Variants in ZMAT4 observed in about 807,000 individuals in gnomAD.
ZMAT4 encodes the protein zinc finger matrin-type protein 4.
In ZMAT4, 17 loss-of-function variants were observed where a neutral mutation model predicts 28.7. That is an observed-to-expected ratio of 0.59 (90% CI 0.41 to 0.89). The LOEUF (loss-of-function observed/expected upper bound fraction) is 0.89. ZMAT4 is among the 40% of genes least tolerant of loss of function. ZMAT4 has a pLI of 0.00. For missense variants in ZMAT4, 240 were observed against 283.8 expected (o/e 0.85, Z 1.11); for synonymous variants, 117 against 109.2 (o/e 1.07, Z -0.44).
At chr8:40,634,237 A>G (rs1806708522) in intron 5 of ZMAT4, among the ~76,000 whole-genome samples, 1 of 152,214 alleles carries the variant, frequency 6.6e-6, no homozygotes, top group African/African-American at 2.4e-5. Flanking sequence ...CATCAGACAC[A>G]ACGGAGCTTT....
intron 6 of ZMAT4, among the ~76,000 whole-genome samples, chr8:40,570,004 T>C (rs1317659549): frequency 1.3e-5 from 2 of 152,154 alleles, no homozygotes; most frequent in Non-Finnish European, 2.9e-5. Context: ...ACATTTCAAA[T>C]GAAGACAGTA....
At chr8:40,693,594 G>C (rs545796833) in intron 4 of ZMAT4, among the ~76,000 whole-genome samples, 1 of 152,276 alleles carries the variant, frequency 6.6e-6, no homozygotes, top group East Asian at 1.9e-4. Context: ...TCTAGATCAA[G>C]AGTCAAACTT....
intron 1 of ZMAT4, among the ~76,000 whole-genome samples, chr8:40,896,278 A>AGGT (rs1818876406): frequency 6.6e-6 from 1 of 152,168 alleles, no homozygotes; most frequent in Non-Finnish European, 1.5e-5. Flanking sequence ...CCTGAGGAAG[A>AGGT]GGTGTCACTG....
At position 40,691,348 on chromosome 8, in the gene ZMAT4, C is replaced by T. The variant is rs1266236881; in HGVS notation, c.349+5897G>A. Among the ~76,000 whole-genome samples the T allele has an allele frequency of 2.7e-5, 4 of 146,694 alleles. No individual in the cohort carries two copies. The East Asian group carries it at 8.0e-4, about 29-fold the overall frequency. ...TGCTCTTGGGGGCCATTTTAAATGG[C>T]AAAGTCACCAACAAAAGACACAAAA... On this transcript the variant is annotated intron_variant, in intron 4 of 6. Transcript: ENST00000297737.
chr8:40,563,234 C>T lies in ZMAT4; in HGVS notation c.674+17931G>A, dbSNP rs143644390. 6.4e-3 allele frequency among the ~76,000 whole-genome samples: 974 copies of T among 152,322 alleles called. 9 individuals carry two copies. The highest frequency in any genetic ancestry group is 0.022 in the African/African-American group (912 of 41,576). On this transcript the variant is annotated intron_variant, in intron 6 of 6. Coordinates refer to ENST00000297737, the MANE Select transcript of ZMAT4 (RefSeq NM_024645.3). The stretch of plus-strand genomic sequence containing the variant: ...TCATCCAGGCAGCTTTCTCTCATTA[C>T]TCATGTCTGCATCATCTCTCCCTTC...
intron 1 of ZMAT4, among the ~76,000 whole-genome samples, chr8:40,886,131 T>C (rs1563266627): frequency 6.6e-6 from 1 of 152,230 alleles, no homozygotes; most frequent in Admixed American, 6.5e-5. Flanking sequence ...GAGAAGCACA[T>C]TGTTTGCCTC....
At chr8:40,799,043 A>G (rs1814712676) in intron 2 of ZMAT4, among the ~76,000 whole-genome samples, 1 of 151,656 alleles carries the variant, frequency 6.6e-6, no homozygotes, top group Admixed American at 6.6e-5. Flanking sequence ...AGAAGGATAG[A>G]TGGCTGGCTG....
chr8:40,561,866 G>A (rs1273384352), intron 6 of ZMAT4, among the ~76,000 whole-genome samples: 1 of 152,114 alleles, frequency 6.6e-6, no homozygotes, highest in Non-Finnish European at 1.5e-5. Context: ...ATGGCCCAGG[G>A]AAGCTAAAAG....
intron 4 of ZMAT4, among the ~76,000 whole-genome samples, chr8:40,681,723 G>A (rs1431369010): frequency 1.3e-5 from 2 of 151,940 alleles, no homozygotes; most frequent in Non-Finnish European, 2.9e-5. Flanking sequence ...TCAACTTGGG[G>A]GAATTTTCAT....
intron 3 of ZMAT4, among the ~76,000 whole-genome samples, chr8:40,705,529 G>A (rs1002129034): frequency 2.0e-5 from 3 of 152,162 alleles, no homozygotes; most frequent in African/African-American, 7.2e-5. Context: ...AGCTGTAAAT[G>A]AGGCCACATT....
chr8:40,816,285 TACTC>T (rs1815534214), intron 2 of ZMAT4, among the ~76,000 whole-genome samples: 2 of 152,164 alleles, frequency 1.3e-5, no homozygotes, highest in Non-Finnish European at 2.9e-5. Context: ...TGGATTTTGA[TACTC>T]AGGGCAACGT....
chr8:40,589,731 C>CCTTCTTTCTTTCTTTCTTTCTTTCTTT (rs1554523991), intron 5 of ZMAT4, among the ~76,000 whole-genome samples: 1 of 139,274 alleles, frequency 7.2e-6, no homozygotes. Flanking sequence ...TTCTTCCTTT[C>CCTTCTTTCTTTCTTTCTTTCTTTCTTT]CTTTCTTTCT....
Position 40,833,084 on chromosome 8 carries a change from C to A in ZMAT4, c.-4-7404G>T, listed in dbSNP as rs144193484. ...ATGGGAAAAAGATTCAGGAGGCAAG[C>A]GGGTGGTTTTCGTGATCATCTCTGC... On this transcript the variant is annotated intron_variant, in intron 1 of 6. Coordinates refer to ENST00000297737, the MANE Select transcript of ZMAT4 (RefSeq NM_024645.3). Among the ~76,000 whole-genome samples, 542 of 152,222 alleles carry A rather than the reference C, an allele frequency of 3.6e-3. 4 individuals carry two copies. The highest frequency in any genetic ancestry group is 0.013 in the African/African-American group (520 of 41,522).
intron 3 of ZMAT4, among the ~76,000 whole-genome samples, chr8:40,744,117 T>C (rs1039183372): frequency 6.6e-6 from 1 of 152,158 alleles, no homozygotes; most frequent in Non-Finnish European, 1.5e-5. Context: ...CACAGGCCTG[T>C]GAAGGGCCTC....
At chr8:40,663,466 A>G (rs1395448791) in intron 5 of ZMAT4, among the ~76,000 whole-genome samples, 1 of 152,224 alleles carries the variant, frequency 6.6e-6, no homozygotes, top group Admixed American at 6.5e-5. Flanking sequence ...ATTCAAGCAC[A>G]GGGCCTCTCA....
At chr8:40,599,429 G>A (rs571653530) in intron 5 of ZMAT4, among the ~76,000 whole-genome samples, 6 of 152,040 alleles carry the variant, frequency 3.9e-5, no homozygotes, top group Non-Finnish European at 7.4e-5. Context: ...AGACATAAAC[G>A]TTTTTCCATA....
intron 5 of ZMAT4, among the ~76,000 whole-genome samples, chr8:40,593,047 A>T (rs925578090): frequency 4.6e-5 from 7 of 152,334 alleles, no homozygotes; most frequent in Admixed American, 1.3e-4. Context: ...ACATGGGAGA[A>T]ATATCTTTTT....
At chr8:40,594,190 C>T (rs115378720) in intron 5 of ZMAT4, among the ~76,000 whole-genome samples, 181 of 152,254 alleles carry the variant, frequency 1.2e-3, no homozygotes, top group African/African-American at 3.6e-3. Context: ...GGAAGATTTT[C>T]GTGGGACACA....
At chr8:40,594,863 T>A (rs1239316311) in intron 5 of ZMAT4, among the ~76,000 whole-genome samples, 1 of 152,226 alleles carries the variant, frequency 6.6e-6, no homozygotes, top group Non-Finnish European at 1.5e-5. Flanking sequence ...CATCCTATAT[T>A]TTCTTGGCAT....
Sources: gnomAD v4.1 joint callset for allele counts (sites outside exome capture counted in the v4.1 genomes callset) on GRCh38, gnomAD v4.1.1 for gene constraint, MANE v1.5 for transcripts, NCBI Gene and HGNC (gene_info 2026-07-23, HGNC 2026-07-21) for gene names.